The following ZNF107 variants were observed in gnomAD, a reference collection of about 807,000 sequenced individuals.
ZNF107 encodes the protein C2H2 type zinc-finger protein.
A neutral mutation model predicts 12.3 loss-of-function variants in ZNF107; 19 were observed. The observed-to-expected ratio is 1.55, with a 90% CI of 1.08 to 2.27. The LOEUF is 2.27. ZNF107 is among the 30% of genes most tolerant of loss of function. ZNF107 has a pLI of 0.00. For synonymous variants in ZNF107, 317 were observed against 330.5 expected, an observed-to-expected ratio of 0.96 and a Z score of 0.44; for missense variants, 958 against 979.9, an observed-to-expected ratio of 0.98 and a Z score of 0.30.
intron 1 of ZNF107, chr7:64,686,882 T>C: frequency 1.0e-6 from 1 of 985,300 alleles, no homozygotes; most frequent in Non-Finnish European, 1.2e-6. Flanking sequence ...GCCTTGTTGC[T>C]CACACAAAGT....
chr7:64,706,815 C>T lies in ZNF107; in HGVS notation c.718C>T (p.Gln240Ter). 2 of 1,613,330 alleles carry T rather than the reference C, an allele frequency of 1.2e-6. No homozygotes were observed. The highest frequency in any genetic ancestry group is 2.2e-5 in the East Asian group (1 of 44,826). Reference protein sequence around the residue: ...KCEECGKAFNQSSQLTRHKII... With the variant: ...KCEECGKAFN ...TGAAGAATGTGGCAAAGCCTTTAAC[C>T]AGTCCTCACAACTTACTAGGCATAA... The change falls in exon 4 of 4, where the codon CAG (glutamine) becomes TAG (stop). Residue 240 changes from glutamine to a stop codon, truncating the protein, a stop_gained. Coordinates refer to ENST00000620827, the MANE Select transcript of ZNF107 (RefSeq NM_001282359.2). LOFTEE classifies it low-confidence loss of function (END_TRUNC).
At position 64,709,072 on chromosome 7, in the gene ZNF107, T is replaced by G; in HGVS notation, c.*416T>G. ...AGTTGTGAAGAATGTGGCAAAGCTTTTAACCAATCCTCATACCTTACTATA... is the reference window on the plus strand; with the variant it reads ...AGTTGTGAAGAATGTGGCAAAGCTTGTAACCAATCCTCATACCTTACTATA... On this transcript the variant is annotated 3_prime_UTR_variant, in exon 4 of 4. Transcript: ENST00000620827. The G allele has an allele frequency of 2.2e-6, 1 of 462,242 alleles. No homozygotes were observed. Among genetic ancestry groups the G allele is most frequent in the Non-Finnish European group, 4.3e-6 (1 of 230,352 alleles). 28.6% of individuals were successfully genotyped at this position (462,242 alleles called of 1,614,324 possible).
chr7:64,687,104 C>A, intron 1 of ZNF107: 2 of 983,774 alleles, frequency 2.0e-6, no homozygotes, highest in Non-Finnish European at 2.4e-6. Flanking sequence ...AGATGCTTTT[C>A]TTTTTTTTTC....
Position 64,706,825 on chromosome 7 carries a change from A to G in ZNF107, c.728A>G (p.Gln243Arg). 6.2e-7 allele frequency: 1 copy of G among 1,613,568 alleles called. No homozygotes were observed. The highest frequency in any genetic ancestry group is 8.5e-7 in the Non-Finnish European group (1 of 1,179,798). The part of the protein sequence containing the change: ...ECGKAFNQSS[Q>R]LTRHKIIHTE... Reference sequence around the variant, plus strand: ...GGCAAAGCCTTTAACCAGTCCTCACAACTTACTAGGCATAAGATAATTCAT... The same window carrying G: ...GGCAAAGCCTTTAACCAGTCCTCACGACTTACTAGGCATAAGATAATTCAT... The change falls in exon 4 of 4, where the codon CAA (glutamine) becomes CGA (arginine). Residue 243 changes from glutamine to arginine, a missense_variant. By Grantham distance (43) the Gln-to-Arg change is conservative. Coordinates refer to ENST00000620827, the MANE Select transcript of ZNF107 (RefSeq NM_001282359.2).
chr7:64,690,806 A>G (rs1287371003), intron 1 of ZNF107, among the ~76,000 whole-genome samples: 4 of 151,998 alleles, frequency 2.6e-5, no homozygotes, highest in African/African-American at 9.7e-5. Context: ...CAGTGGAGCA[A>G]TCTCAGCTCA....
chr7:64,680,232 C>T (rs1193805690), intron 1 of ZNF107, among the ~76,000 whole-genome samples: 1 of 152,186 alleles, frequency 6.6e-6, no homozygotes, highest in Middle Eastern at 3.2e-3. Flanking sequence ...TTCTCCCTGT[C>T]TGACCTGTCT....
chr7:64,689,521 C>CGA (rs1790044356), intron 1 of ZNF107: 1 of 152,106 alleles, frequency 6.6e-6, no homozygotes, highest in South Asian at 2.1e-4. Flanking sequence ...CACAAAGTAT[C>CGA]GAGAGTCATG....
At chr7:64,696,402 C>T (rs114925661) in intron 3 of ZNF107, among the ~76,000 whole-genome samples, 1,615 of 152,182 alleles carry the variant, frequency 0.011, 34 homozygotes, top group African/African-American at 0.037. Context: ...GTTTTCCCAG[C>T]TCTTTGGGAG....
At chr7:64,686,965 T>A in intron 1 of ZNF107, 2 of 985,480 alleles carry the variant, frequency 2.0e-6, no homozygotes, top group Non-Finnish European at 2.4e-6. Flanking sequence ...TGCCCCCCGT[T>A]ATTCATAATG....
intron 1 of ZNF107, chr7:64,679,471 C>A: frequency 1.6e-6 from 1 of 631,442 alleles, no homozygotes; most frequent in Non-Finnish European, 2.0e-6. Flanking sequence ...GACTGGTCAA[C>A]CACAGGGACA....
chr7:64,692,789 T>A (rs1790158274), intron 3 of ZNF107, among the ~76,000 whole-genome samples: 1 of 152,168 alleles, frequency 6.6e-6, no homozygotes, highest in Non-Finnish European at 1.5e-5. Flanking sequence ...CTTCCTCTGT[T>A]TTATCAGATA....
At chr7:64,692,406 T>A (rs751824235) in intron 3 of ZNF107, among the ~76,000 whole-genome samples, 6 of 152,210 alleles carry the variant, frequency 3.9e-5, no homozygotes, top group South Asian at 2.1e-4. Flanking sequence ...TCCATTCTGT[T>A]GTTATTACTA....
chr7:64,705,658 A>G (rs1790612926), intron 3 of ZNF107, among the ~76,000 whole-genome samples: 1 of 150,740 alleles, frequency 6.6e-6, no homozygotes, highest in Non-Finnish European at 1.5e-5. Context: ...AGTCTTTCAG[A>G]CATGTTCTTA....
rs575000457 is a variant in ZNF107 at position 64,707,511 on chromosome 7, A to G, written c.1414A>G (p.Arg472Gly). The change falls in exon 4 of 4, where the codon AGG becomes GGG. Residue 472 changes from arginine (R) to glycine (G), a missense_variant. By Grantham distance (125) the Arg-to-Gly change is moderately radical (BLOSUM62 -2). Transcript: ENST00000620827. ...CCAACACTCAAACCTAATTAACCAT[A>G]GGAAAATTTATTCTGGAGAGAAACC... ...FNQHSNLINHRKIYSGEKPYK... is the reference protein window; with the variant it reads ...FNQHSNLINHGKIYSGEKPYK... The G allele has an allele frequency of 2.5e-6, 4 of 1,613,504 alleles. No homozygotes were observed. Among genetic ancestry groups the G allele is most frequent in the African/African-American group, 1.3e-5 (1 of 75,020 alleles).
intron 1 of ZNF107, among the ~76,000 whole-genome samples, chr7:64,682,465 T>C (rs969359737): frequency 6.6e-6 from 1 of 152,068 alleles, no homozygotes; most frequent in Admixed American, 6.6e-5. Context: ...CCTTCCCTCA[T>C]TCATCCTTTC....
At chr7:64,701,063 A>T (rs1345608309) in intron 3 of ZNF107, among the ~76,000 whole-genome samples, 4 of 152,178 alleles carry the variant, frequency 2.6e-5, no homozygotes, top group Non-Finnish European at 5.9e-5. Context: ...ATATACATGT[A>T]CATATAGATA....
intron 1 of ZNF107, among the ~76,000 whole-genome samples, chr7:64,688,584 C>G (rs1466571626): frequency 6.6e-6 from 1 of 152,054 alleles, no homozygotes; most frequent in Admixed American, 6.6e-5. Context: ...AAAATACCCA[C>G]AAATGTGTGG....
chr7:64,693,459 AT>A (rs1309483982), intron 3 of ZNF107, among the ~76,000 whole-genome samples: 1 of 151,976 alleles, frequency 6.6e-6, no homozygotes, highest in Non-Finnish European at 1.5e-5. Flanking sequence ...TTATAAACTA[AT>A]TTTAGGAGGT....
At position 64,708,664 on chromosome 7, in the gene ZNF107, T is replaced by C; in HGVS notation, c.*8T>C. On this transcript the variant is annotated 3_prime_UTR_variant, in exon 4 of 4. Transcript: ENST00000620827. ...GAGTATGGCAAAACTTAATTGATCC[T>C]ACAAGCTTACTACACATAGGAAAAT... The C allele has an allele frequency of 6.3e-7, 1 of 1,587,870 alleles. No homozygotes were observed. Among genetic ancestry groups the C allele is most frequent in the Non-Finnish European group, 8.6e-7 (1 of 1,165,784 alleles).
Sources: allele counts gnomAD v4.1 joint callset (sites outside exome capture counted in the v4.1 genomes callset), GRCh38; gene constraint gnomAD v4.1.1; transcripts MANE v1.5; gene names NCBI Gene and HGNC (gene_info 2026-07-23, HGNC 2026-07-21).